LRCH4: variants seen among roughly 807,000 people sequenced by gnomAD.
LRCH4 encodes the protein leucine rich repeats and calponin homology domain containing 4.
A neutral mutation model predicts 81.2 loss-of-function variants in LRCH4; 56 were observed. The observed-to-expected ratio is 0.69, with a 90% CI of 0.56 to 0.86. The LOEUF (loss-of-function observed/expected upper bound fraction) is 0.86, where lower values mean the gene tolerates loss of function less well. Among genes scored for constraint, LRCH4 ranks in the 40% least tolerant of loss-of-function variants. The probability of loss-of-function intolerance (pLI) is 0.00; values close to 1 mark genes in which losing one functional copy is unlikely to be tolerated. For synonymous variants in LRCH4, 442 were observed against 409.7 expected (o/e 1.08, Z -0.95); for missense variants, 895 against 922.8 (o/e 0.97, Z 0.39).
rs762945239 is a variant in LRCH4, at chr7:100,577,385, C to T, written c.1183G>A (p.Glu395Lys). The T allele has an allele frequency of 1.5e-5, 24 of 1,599,826 alleles. No individual in the cohort carries two copies. The highest frequency in any genetic ancestry group is 1.5e-4 in the African/African-American group (11 of 74,900). The change falls in exon 11 of 18, where the codon GAG becomes AAG. Residue 395 changes from glutamate to lysine, a missense_variant. Around this residue, in one of 3 missense-constraint regions of LRCH4, gnomAD observed 529 missense variants for 504.9 expected, o/e 1.05. Transcript: ENST00000310300. This position sits in a 1 kb window ranked among gnomAD's most constrained non-coding sequence, Gnocchi z 6.7. Reference sequence around the variant, plus strand: ...CGCCGCTCCTCCCCTGCCGGCTCCTCCCGCCTGAGGGACCAAGACAGGGCA... The same window carrying T: ...CGCCGCTCCTCCCCTGCCGGCTCCTTCCGCCTGAGGGACCAAGACAGGGCA... ...DRERAPSSRR[E>K]EPAGEERRRP... is the part of the protein sequence containing the mutation.
chr7:100,586,123 CCTGA>C lies in LRCH4; in HGVS notation c.-27_-24del, dbSNP rs757767578. The C allele has an allele frequency of 1.4e-5, 21 of 1,502,676 alleles. No homozygotes were observed. In the East Asian group the frequency reaches 1.8e-4, roughly 13 times the overall value. The allele number at this position is 1,502,676 out of a possible 1,614,324, so 93.1% of individuals were successfully genotyped here. The stretch of plus-strand genomic sequence containing the variant: ...CATCCGCTCCCGGCGGCTCCCGCTG[CCTGA>C]CTGACGGGACCGGCCGTCCCTCCTT... On this transcript the variant is annotated 5_prime_UTR_variant, in exon 1 of 18. Transcript: ENST00000310300.
chr7:100,580,816 CACACATGCACAGACACACAG>C (rs1189796289), intron 4 of LRCH4: 1 of 151,762 alleles, frequency 6.6e-6, no homozygotes, highest in Non-Finnish European at 1.5e-5. Flanking sequence ...TGCACATAGA[CACACATGCACAGACACACAG>C]ACACATGCAC....
intron 1 of LRCH4, 111 bp downstream of exon 1, chr7:100,585,770 A>G: frequency 8.3e-7 from 1 of 1,202,468 alleles, no homozygotes; most frequent in East Asian, 2.9e-5. Context: ...GAGGGGCAGC[A>G]ACCCTGGCCG....
rs1801392795 is a variant in LRCH4 at position 100,577,216 on chromosome 7, G to A, written c.1295+57C>T. 9 of 1,608,924 alleles carry A rather than the reference G, an allele frequency of 5.6e-6. No homozygotes were observed. Among genetic ancestry groups the A allele is most frequent in the Admixed American group, 1.7e-5 (1 of 59,966 alleles). ...GCAGAACGGCTCAGCGGGGCTCGGT[G>A]GCCCCATTTCCAGGGCTCAGTGTCC... is the stretch of plus-strand genomic sequence containing the variant. On this transcript the variant is annotated intron_variant, in intron 11 of 17. Coordinates refer to ENST00000310300, the MANE Select transcript of LRCH4 (RefSeq NM_002319.5). This position sits in a 1 kb window ranked among gnomAD's most constrained non-coding sequence, Gnocchi z 6.7.
At position 100,577,875 on chromosome 7, in the gene LRCH4, G is replaced by A. The variant is rs1268975152; in HGVS notation, c.986C>T (p.Ser329Leu). 2.5e-6 allele frequency: 4 copies of A among 1,614,082 alleles called. No individual in the cohort carries two copies. The highest frequency in any genetic ancestry group is 1.7e-5 in the Admixed American group (1 of 60,028). The change falls in exon 8 of 18, where the codon TCA becomes TTA. Residue 329 changes from serine (S) to leucine (L), a missense_variant. Ser to Leu is a moderately radical substitution (Grantham distance 145). Transcript: ENST00000310300. This position sits in a 1 kb window ranked among gnomAD's most constrained non-coding sequence, Gnocchi z 6.7. ...TCCCCGGGGCTCCCGGGCCAGCTCT[G>A]AGATCCGGAATGACAGCTCTGAAAA... Reference protein sequence around the residue: ...DEFSELSFRISELAREPRGPR... With the variant: ...DEFSELSFRILELAREPRGPR...
chr7:100,581,009 A>G (rs1263780975), intron 4 of LRCH4: 1 of 152,314 alleles, frequency 6.6e-6, no homozygotes, highest in Non-Finnish European at 1.5e-5. Context: ...CAACAAGCAC[A>G]TTAGATGGGC....
chr7:100,584,758 G>A (rs1801671538), intron 1 of LRCH4: 1 of 456,578 alleles, frequency 2.2e-6, no homozygotes. Flanking sequence ...AAGAGGATGT[G>A]TGCCAGTGCC....
In LRCH4 at chr7:100,575,345, ACGT is replaced by A. The variant is rs1471616527; in HGVS notation, c.1855-44_1855-42del. 2.7e-6 allele frequency: 4 copies of A among 1,494,618 alleles called. No homozygotes were observed. Among genetic ancestry groups the A allele is most frequent in the Non-Finnish European group, 3.6e-6 (4 of 1,109,946 alleles). 92.6% of individuals were successfully genotyped at this position (1,494,618 alleles called of 1,614,324 possible). On this transcript the variant is annotated intron_variant, in intron 17 of 17. Transcript: ENST00000310300. The surrounding 1 kb of genome is among the most constrained non-coding windows in gnomAD (Gnocchi z 5.3). ...GCAGGTGGACAAGGACAAGGGACAG[ACGT>A]CAGCAGCAGCAGCAGGACAGTCCCT... is the stretch of plus-strand genomic sequence containing the variant.
chr7:100,582,218 G>C lies in LRCH4; in HGVS notation c.366-51C>G. 6.2e-7 allele frequency: 1 copy of C among 1,613,334 alleles called. No individual in the cohort carries two copies. Among genetic ancestry groups the C allele is most frequent in the Admixed American group, 1.7e-5 (1 of 59,960 alleles). ...CTGGCTCCCCAGGCATGGCATCCCA[G>C]CACTGCCATCCTCTCGGGGTCACTG... is the stretch of plus-strand genomic sequence containing the variant. On this transcript the variant is annotated intron_variant, in intron 2 of 17. Transcript: ENST00000310300. The surrounding 1 kb of genome is among the most constrained non-coding windows in gnomAD (Gnocchi z 5.0).
intron 1 of LRCH4, chr7:100,584,181 G>A (rs1396390044): frequency 2.2e-6 from 1 of 456,484 alleles, no homozygotes; most frequent in Non-Finnish European, 4.4e-6. Flanking sequence ...CTTGGAGGGC[G>A]AGGAGAGATG....
intron 4 of LRCH4, chr7:100,579,463 G>T (rs908700737): frequency 6.6e-6 from 1 of 152,210 alleles, no homozygotes; most frequent in African/African-American, 2.4e-5. Context: ...CGGGTGTGGT[G>T]GCGGACGCCT....
intron 1 of LRCH4, chr7:100,584,849 A>C (rs1032373104): frequency 4.4e-6 from 2 of 449,942 alleles, no homozygotes; most frequent in African/African-American, 4.0e-5. Context: ...CCCACCGTGC[A>C]GATGAGAGGA....
In LRCH4 at chr7:100,576,005, G is replaced by A. The variant is rs1375798224; in HGVS notation, c.1642C>T (p.Leu548Phe). The change falls in exon 16 of 18, where the codon CTT becomes TTT. Residue 548 changes from leucine to phenylalanine, a missense_variant. This residue lies in a region of LRCH4 where 529 missense variants were observed against 504.9 expected (regional missense o/e 1.05). Transcript: ENST00000310300. ...AGGGGCCGCTGCAGCCGGGACTCAA[G>A]GACCTGGCAGTGTAGACCACATAGA... ...KDLMTQLRQV[L>F]ESRLQRPLPE... is the part of the protein sequence containing the mutation. The A allele has an allele frequency of 1.9e-6, 3 of 1,603,342 alleles. No homozygotes were observed. The highest frequency in any genetic ancestry group is 2.5e-6 in the Non-Finnish European group (3 of 1,178,550).
At chr7:100,584,309 G>A in intron 1 of LRCH4, 3 of 450,518 alleles carry the variant, frequency 6.7e-6, no homozygotes, top group Non-Finnish European at 1.3e-5. Context: ...CCTAGAACCT[G>A]GGCCCTGTGT....
rs758611206 is a variant in LRCH4, at chr7:100,575,223, C to G, written c.1936G>C (p.Gly646Arg). 2.9e-5 allele frequency: 47 copies of G among 1,607,942 alleles called. No homozygotes were observed. The highest frequency in any genetic ancestry group is 3.7e-5 in the Non-Finnish European group (43 of 1,177,398). ...CAGAGGGGCGGTAGGGCCTTGCCCC[C>G]CACCCGCTTCACGGCCTCCAGCGCG... Reference protein sequence around the residue: ...RTALEAVKRVGGKALPPLWPP... With the variant: ...RTALEAVKRVRGKALPPLWPP... The change falls in exon 18 of 18, where the codon GGG (glycine) becomes CGG (arginine). Residue 646 changes from glycine to arginine, a missense_variant. Physicochemically the swap from Gly to Arg is moderately radical, Grantham distance 125. Transcript: ENST00000310300. The surrounding 1 kb of genome is among the most constrained non-coding windows in gnomAD (Gnocchi z 5.3).
chr7:100,578,098 A>C lies in LRCH4; in HGVS notation c.948+61T>G. ...GGCACCCTGCAATTTGGAGGTCCCC[A>C]GTTCAGAGGTGCTCTCCCAGGGCTG... On this transcript the variant is annotated intron_variant, in intron 7 of 17. Coordinates refer to ENST00000310300, the MANE Select transcript of LRCH4 (RefSeq NM_002319.5). The surrounding 1 kb of genome is among the most constrained non-coding windows in gnomAD (Gnocchi z 5.7). 6.5e-7 allele frequency: 1 copy of C among 1,529,290 alleles called. No homozygotes were observed. Among genetic ancestry groups the C allele is most frequent in the South Asian group, 1.1e-5 (1 of 88,790 alleles). The allele number at this position is 1,529,290 out of a possible 1,614,324, so 94.7% of individuals were successfully genotyped here.
rs1801343728 is a variant in LRCH4 at position 100,575,944 on chromosome 7, A to C, written c.1703T>G (p.Val568Gly). 1 of 1,610,500 alleles carries C rather than the reference A, an allele frequency of 6.2e-7. No individual in the cohort carries two copies. ...EDLAEALASG[V>G]ILCQLANQLR... ...CTGGTTGGCCAGCTGGCACAGGATG[A>C]CCCCACTGGCCAGAGCCTCGGCCAG... Residue 568 changes from valine to glycine, a missense_variant, in exon 16 of 18, where the codon GTC becomes GGC. Transcript: ENST00000310300. The surrounding 1 kb of genome is among the most constrained non-coding windows in gnomAD (Gnocchi z 5.3).
Position 100,575,790 on chromosome 7 carries a change from G to A in LRCH4, c.1777-8C>T, listed in dbSNP as rs1165964541. The A allele has an allele frequency of 1.2e-6, 2 of 1,607,502 alleles. No individual in the cohort carries two copies. The highest frequency in any genetic ancestry group is 2.7e-5 in the African/African-American group (2 of 74,736). The stretch of plus-strand genomic sequence containing the variant: ...GAGGGCACTGAGTTTTGGCTGGGGT[G>A]GGTGAAAGAAGAAAATGTGGTAAGG... On this transcript the variant is annotated splice_polypyrimidine_tract_variant and splice_region_variant and intron_variant, in intron 16 of 17. Coordinates refer to ENST00000310300, the MANE Select transcript of LRCH4 (RefSeq NM_002319.5). The surrounding 1 kb of genome is among the most constrained non-coding windows in gnomAD (Gnocchi z 5.3).
In LRCH4 at chr7:100,578,036, G is replaced by T; in HGVS notation, c.948+123C>A. 1 of 1,293,430 alleles carries T rather than the reference G, an allele frequency of 7.7e-7. No homozygotes were observed. Among genetic ancestry groups the T allele is most frequent in the Non-Finnish European group, 1.1e-6 (1 of 907,212 alleles). The allele number at this position is 1,293,430 out of a possible 1,614,324, so 80.1% of individuals were successfully genotyped here. Reference sequence around the variant, plus strand: ...AGCCAGCCCTTCCCTGGGATGCTGGGCAGAGGGAAGGAAGAGGACAGCTCC... The same window carrying T: ...AGCCAGCCCTTCCCTGGGATGCTGGTCAGAGGGAAGGAAGAGGACAGCTCC... On this transcript the variant is annotated intron_variant, in intron 7 of 17. Transcript: ENST00000310300. This position sits in a 1 kb window ranked among gnomAD's most constrained non-coding sequence, Gnocchi z 5.7.
Sources: allele counts gnomAD v4.1 joint callset, GRCh38; gene constraint gnomAD v4.1.1; regional missense constraint gnomAD v4.1.1; non-coding constraint Gnocchi (gnomAD v3.1); transcripts MANE v1.5; gene names NCBI Gene and HGNC (gene_info 2026-07-23, HGNC 2026-07-21).